PUS7: variants seen among roughly 807,000 people sequenced by gnomAD.
The protein encoded by PUS7 is pseudouridylate synthase 7 homolog.
PUS7 carries 48 observed loss-of-function variants against 79.8 expected under a neutral mutation model. The ratio of observed to expected loss-of-function variants is 0.60; its 90% CI spans 0.48 to 0.76. PUS7 has a LOEUF of 0.76. Among genes scored for constraint, PUS7 ranks in the 30% least tolerant of loss-of-function variants. PUS7 has a pLI of 0.00. For synonymous variants in PUS7, 286 were observed against 272.2 expected, an observed-to-expected ratio of 1.05 and a Z score of -0.50; for missense variants, 729 against 797.6, an observed-to-expected ratio of 0.91 and a Z score of 1.04.
intron 1 of PUS7, among the ~76,000 whole-genome samples, chr7:105,510,675 G>A (rs1825667479): frequency 6.6e-6 from 1 of 151,890 alleles, no homozygotes; most frequent in Admixed American, 6.6e-5. Flanking sequence ...CACCACGCCT[G>A]GCTAATTTTT....
chr7:105,472,714 T>C (rs192445169), intron 9 of PUS7, among the ~76,000 whole-genome samples: 11 of 152,306 alleles, frequency 7.2e-5, no homozygotes, highest in Admixed American at 3.3e-4. Context: ...GTATAAATAC[T>C]ACATAGTCAT....
At chr7:105,491,810 C>G (rs1019897289) in intron 6 of PUS7, among the ~76,000 whole-genome samples, 193 bp from the exon 7 acceptor site, 2 of 152,142 alleles carry the variant, frequency 1.3e-5, no homozygotes, top group African/African-American at 4.8e-5. Flanking sequence ...GTAATCCCAG[C>G]ACTTGGGAGG....
chr7:105,473,529 G>T (rs1823960845), intron 9 of PUS7, among the ~76,000 whole-genome samples: 3 of 149,136 alleles, frequency 2.0e-5, no homozygotes, highest in Admixed American at 6.9e-5. Context: ...AGCGATTCTT[G>T]TGCCTCAGTC....
At chr7:105,481,936 T>C (rs1289605356) in intron 8 of PUS7, among the ~76,000 whole-genome samples, 1 of 152,182 alleles carries the variant, frequency 6.6e-6, no homozygotes, top group Admixed American at 6.5e-5. Flanking sequence ...TTCACCGTAT[T>C]AGCCAGGATG....
intron 14 of PUS7, among the ~76,000 whole-genome samples, chr7:105,459,482 G>C (rs1484935777): frequency 1.3e-5 from 2 of 149,964 alleles, no homozygotes; most frequent in Admixed American, 6.7e-5. Context: ...CTGTCACCTA[G>C]GCTGGAGTGC....
intron 13 of PUS7, among the ~76,000 whole-genome samples, chr7:105,463,012 C>T (rs993988906): frequency 3.3e-5 from 5 of 152,046 alleles, no homozygotes; most frequent in African/African-American, 1.2e-4. Context: ...TGTAAGGTTC[C>T]CAAGCCAACT....
At chr7:105,487,478 C>T (rs1167936450) in intron 7 of PUS7, among the ~76,000 whole-genome samples, 2 of 152,170 alleles carry the variant, frequency 1.3e-5, no homozygotes, top group Non-Finnish European at 2.9e-5. Context: ...ATACGATAGA[C>T]ATCCATCTCT....
rs1329891307 is a variant in PUS7, at chr7:105,456,884, A to G, written c.*906T>C. On this transcript the variant is annotated 3_prime_UTR_variant, in exon 16 of 16. Coordinates refer to ENST00000469408, the MANE Select transcript of PUS7 (RefSeq NM_019042.5). ...AAAACAGCTGTACACGTTTACATCAAGAAAAAAAAACCCGGCCAGCACAGC... is the reference window on the plus strand; with the variant it reads ...AAAACAGCTGTACACGTTTACATCAGGAAAAAAAAACCCGGCCAGCACAGC... 1 of 152,172 alleles carries G rather than the reference A, an allele frequency of 6.6e-6. No homozygotes were observed. The highest frequency in any genetic ancestry group is 2.4e-5 in the African/African-American group (1 of 41,438). The allele number at this position is 152,172 out of a possible 1,614,324, so 9.4% of individuals were successfully genotyped here. A position where few individuals can be genotyped will look rare whatever the true frequency, so the allele number is the denominator to read the frequency against.
intron 7 of PUS7, among the ~76,000 whole-genome samples, chr7:105,488,506 C>T (rs559682917): frequency 1.3e-5 from 2 of 152,304 alleles, no homozygotes; most frequent in African/African-American, 4.8e-5. Flanking sequence ...AGTAATTTCA[C>T]TGCTAAGTTT....
chr7:105,514,065 C>T (rs1034537897), intron 1 of PUS7, among the ~76,000 whole-genome samples: 4 of 135,728 alleles, frequency 2.9e-5, no homozygotes, highest in African/African-American at 5.3e-5. Flanking sequence ...CCCGTCTCTA[C>T]TAAAAAATAC....
chr7:105,476,001 C>G (rs73415577), intron 9 of PUS7, among the ~76,000 whole-genome samples: 1 of 151,640 alleles, frequency 6.6e-6, no homozygotes, highest in Non-Finnish European at 1.5e-5. Context: ...TGCTTACCCA[C>G]GTGATAGCAC....
chr7:105,482,472 A>T, intron 7 of PUS7, 32 bp from the exon 8 acceptor site: 1 of 1,562,262 alleles, frequency 6.4e-7, no homozygotes, highest in Non-Finnish European at 8.7e-7. Flanking sequence ...CAACAAAACA[A>T]AAAAGAGTAG....
Position 105,472,119 on chromosome 7 carries a change from A to AT in PUS7, c.1237+12dup, listed in dbSNP as rs776456954. On this transcript the variant is annotated intron_variant, in intron 10 of 15. Transcript: ENST00000469408. ...CATTCTATTTATTTTCTTAACATGAATTTTATTCTCACCTCCAGAGCGGGG... is the reference window on the plus strand; with the variant it reads ...CATTCTATTTATTTTCTTAACATGAATTTTTATTCTCACCTCCAGAGCGGGG... 2 of 1,573,916 alleles carry AT rather than the reference A, an allele frequency of 1.3e-6. No homozygotes were observed. The highest frequency in any genetic ancestry group is 3.4e-5 in the Admixed American group (2 of 58,584).
chr7:105,462,766 A>G lies in PUS7; in HGVS notation c.1628-16T>C, dbSNP rs754047678. 42 of 1,601,204 alleles carry G rather than the reference A, an allele frequency of 2.6e-5. No homozygotes were observed. The South Asian group carries it at 4.3e-4, about 16-fold the overall frequency. ...GCTTCTTGAACTAATATAAAATACA[A>G]AAAGTTAGTTGAAATGCAGCTTGTC... On this transcript the variant is annotated splice_polypyrimidine_tract_variant and intron_variant, in intron 13 of 15. Transcript: ENST00000469408.
rs1201449683 is a variant in PUS7 at position 105,467,540 on chromosome 7, T to A, written c.1525+797A>T. On this transcript the variant is annotated intron_variant, in intron 12 of 15. Transcript: ENST00000469408. ...TCCTGACCTCGTGATCTGCCCGCCT[T>A]GGCTCCCAAAGTGCTGGGATTACAG... Among the ~76,000 whole-genome samples the A allele has an allele frequency of 4.0e-5, 6 of 151,798 alleles. No homozygotes were observed. The East Asian group carries it at 9.9e-4, about 25-fold the overall frequency.
At chr7:105,503,009 T>G (rs1039964374) in intron 4 of PUS7, among the ~76,000 whole-genome samples, 2 of 152,158 alleles carry the variant, frequency 1.3e-5, no homozygotes, top group Non-Finnish European at 2.9e-5. Flanking sequence ...CTCAAAAATA[T>G]TTCAGAGCTT....
At chr7:105,517,809 C>T (rs1442911013) in intron 1 of PUS7, among the ~76,000 whole-genome samples, 2 of 151,756 alleles carry the variant, frequency 1.3e-5, no homozygotes, top group East Asian at 3.9e-4. Context: ...GAGTTTGAGA[C>T]CAGCATGGAC....
chr7:105,466,815 A>T (rs183616696), intron 12 of PUS7, among the ~76,000 whole-genome samples: 1 of 152,082 alleles, frequency 6.6e-6, no homozygotes, highest in African/African-American at 2.4e-5. Context: ...CACCCAGGAC[A>T]TTAAAATACA....
chr7:105,465,909 G>A (rs970862159), intron 12 of PUS7, among the ~76,000 whole-genome samples: 2 of 152,170 alleles, frequency 1.3e-5, no homozygotes, highest in East Asian at 1.9e-4. Flanking sequence ...TGTAATCCCA[G>A]CACTCTGGGA....
Sources: allele counts gnomAD v4.1 joint callset (sites outside exome capture counted in the v4.1 genomes callset), GRCh38; gene constraint gnomAD v4.1.1; transcripts MANE v1.5; gene names NCBI Gene and HGNC (gene_info 2026-07-23, HGNC 2026-07-21).